The following KLHL1 variants were observed in gnomAD, a reference collection of about 807,000 sequenced individuals.
The protein encoded by KLHL1 is kelch-like protein 1.
Under a neutral mutation model 77.7 loss-of-function variants are expected in KLHL1, and 47 were observed. That is an observed-to-expected ratio of 0.60 (90% CI 0.48 to 0.77). KLHL1 has a LOEUF of 0.77. Ranked by LOEUF, KLHL1 falls within the 30% of genes least tolerant of loss-of-function variation. The pLI is 0.00. For synonymous variants in KLHL1, 360 were observed against 325.2 expected, an observed-to-expected ratio of 1.11 and a Z score of -1.15; for missense variants, 925 against 910.8, an observed-to-expected ratio of 1.02 and a Z score of -0.20.
chr13:69,972,702 A>T (rs902177961), intron 2 of KLHL1, among the ~76,000 whole-genome samples: 25 of 151,854 alleles, frequency 1.6e-4, no homozygotes, highest in African/African-American at 5.6e-4. Context: ...AGATTTCCCC[A>T]TGTATGTCTG....
At chr13:69,867,120 T>C (rs529905649) in intron 5 of KLHL1, among the ~76,000 whole-genome samples, 29 of 152,198 alleles carry the variant, frequency 1.9e-4, no homozygotes, top group Admixed American at 9.2e-4. Flanking sequence ...AGAAGCATTA[T>C]TTGATTAAAA....
At chr13:69,837,670 G>GTA (rs140655235) in intron 6 of KLHL1, among the ~76,000 whole-genome samples, 7,067 of 123,846 alleles carry the variant, frequency 0.057, 389 homozygotes, top group Non-Finnish European at 0.068. Context: ...GTGTGTGTGT[G>GTA]TATATATATA....
chr13:69,915,147 T>C (rs1212330205), intron 4 of KLHL1, among the ~76,000 whole-genome samples: 4 of 152,090 alleles, frequency 2.6e-5, no homozygotes, highest in Admixed American at 2.6e-4. Context: ...GAATCAATAT[T>C]GTGAAAATGG....
chr13:69,824,586 G>T (rs1443009943), intron 6 of KLHL1, among the ~76,000 whole-genome samples: 1 of 151,996 alleles, frequency 6.6e-6, no homozygotes, highest in African/African-American at 2.4e-5. Flanking sequence ...AGAAGATAGG[G>T]ATATGCACAA....
intron 1 of KLHL1, among the ~76,000 whole-genome samples, chr13:70,036,155 G>A (rs1873681231): frequency 6.6e-6 from 1 of 151,758 alleles, no homozygotes; most frequent in Admixed American, 6.6e-5. Context: ...ACACTGAATT[G>A]ACTGTCAATA....
chr13:70,062,363 A>C (rs1886911948), intron 1 of KLHL1, among the ~76,000 whole-genome samples: 1 of 152,298 alleles, frequency 6.6e-6, no homozygotes, highest in South Asian at 2.1e-4. Context: ...TGATTCTCTA[A>C]GTATATTTGA....
chr13:69,927,695 C>T (rs1882861041), intron 4 of KLHL1, among the ~76,000 whole-genome samples: 1 of 151,868 alleles, frequency 6.6e-6, no homozygotes, highest in Non-Finnish European at 1.5e-5. Context: ...AAACAAAAAC[C>T]ACGAAATACT....
chr13:70,000,124 T>G (rs1340038393), intron 1 of KLHL1, among the ~76,000 whole-genome samples: 1 of 151,980 alleles, frequency 6.6e-6, no homozygotes, highest in Admixed American at 6.6e-5. Flanking sequence ...TCTGTTGCCA[T>G]GTGACAGGTT....
At chr13:69,877,036 C>CA (rs530846862) in intron 5 of KLHL1, among the ~76,000 whole-genome samples, 3,417 of 141,904 alleles carry the variant, frequency 0.024, 62 homozygotes, top group African/African-American at 0.049. Flanking sequence ...TAACTCTGTC[C>CA]AAAAAAAAAA....
chr13:69,764,946 T>C (rs1320126471), intron 7 of KLHL1, among the ~76,000 whole-genome samples: 1 of 77,408 alleles, frequency 1.3e-5, no homozygotes, highest in African/African-American at 5.0e-5. Flanking sequence ...TTTTTTTTTT[T>C]TTTTTTTTTT....
At chr13:69,948,134 CCAGAGGAACT>C (rs1407574190) in intron 3 of KLHL1, among the ~76,000 whole-genome samples, 2 of 151,972 alleles carry the variant, frequency 1.3e-5, no homozygotes, top group African/African-American at 4.8e-5. Flanking sequence ...CTTAGCAAGT[CCAGAGGAACT>C]TTGTCTCCAG....
rs189446900 is a variant in KLHL1 at position 69,783,045 on chromosome 13, G to A, written c.1639+13693C>T. The stretch of plus-strand genomic sequence containing the variant: ...CAGCCACTGCTGTTTTCCAGCCACC[G>A]CTGCTGATACCCAGGCAAACGGTCT... On this transcript the variant is annotated intron_variant, in intron 7 of 10. Coordinates refer to ENST00000377844, the MANE Select transcript of KLHL1 (RefSeq NM_020866.3). Among the ~76,000 whole-genome samples the A allele has an allele frequency of 1.7e-3, 263 of 152,270 alleles. 2 individuals are homozygous for A. The highest frequency in any genetic ancestry group is 5.7e-3 in the African/African-American group (236 of 41,546).
chr13:69,983,573 T>A (rs1325824917), intron 1 of KLHL1, among the ~76,000 whole-genome samples: 1 of 100,320 alleles, frequency 1.0e-5, no homozygotes, highest in African/African-American at 7.8e-5. Context: ...GACCCTATCT[T>A]TACAAAAAAA....
chr13:69,701,841 A>C, intron 10 of KLHL1, 80 bp from the exon 11 acceptor site: 1 of 1,004,550 alleles, frequency 1.0e-6, no homozygotes, highest in South Asian at 1.6e-5. Context: ...GATTATCTAC[A>C]TGAAAATCAT....
chr13:70,108,268 C>T lies in KLHL1; in HGVS notation c.-569G>A. The T allele has an allele frequency of 2.6e-6, 1 of 378,390 alleles. No individual in the cohort carries two copies. Among genetic ancestry groups the T allele is most frequent in the East Asian group, 3.9e-5 (1 of 25,922 alleles). 23.4% of individuals were successfully genotyped at this position (378,390 alleles called of 1,614,324 possible). Reference sequence around the variant, plus strand: ...TCTTGGTGCACCTGCGCCCCTGTCCCTGGCCTTTTCGAGGATGCCCCGATA... The same window carrying T: ...TCTTGGTGCACCTGCGCCCCTGTCCTTGGCCTTTTCGAGGATGCCCCGATA... On this transcript the variant is annotated 5_prime_UTR_variant, in exon 1 of 11. Transcript: ENST00000377844.
chr13:70,012,715 C>T (rs1420681498), intron 1 of KLHL1, among the ~76,000 whole-genome samples: 1 of 151,890 alleles, frequency 6.6e-6, no homozygotes, highest in Non-Finnish European at 1.5e-5. Context: ...TCGAGACCAT[C>T]CTGGCTAACA....
At chr13:69,774,983 GGA>G (rs1875754356) in intron 7 of KLHL1, among the ~76,000 whole-genome samples, 1 of 152,096 alleles carries the variant, frequency 6.6e-6, no homozygotes, top group Admixed American at 6.6e-5. Context: ...TTGTGGAAGG[GGA>G]AATGCTTTTT....
intron 7 of KLHL1, among the ~76,000 whole-genome samples, chr13:69,778,832 T>C (rs1460177722): frequency 2.2e-5 from 3 of 138,742 alleles, no homozygotes; most frequent in Non-Finnish European, 4.5e-5. Flanking sequence ...GGAGTCTTGC[T>C]CTGTCACCGA....
intron 5 of KLHL1, among the ~76,000 whole-genome samples, chr13:69,876,377 C>T (rs570561810): frequency 3.3e-5 from 5 of 152,036 alleles, no homozygotes; most frequent in Non-Finnish European, 7.4e-5. Flanking sequence ...GGTTGGAGAC[C>T]TCACCCTTCC....
Sources: allele counts gnomAD v4.1 joint callset (sites outside exome capture counted in the v4.1 genomes callset), GRCh38; gene constraint gnomAD v4.1.1; transcripts MANE v1.5; gene names NCBI Gene and HGNC (gene_info 2026-07-23, HGNC 2026-07-21).